ACTB: variants seen among roughly 807,000 people sequenced by gnomAD.
ACTB encodes the protein actin beta.
A neutral mutation model predicts 30.5 loss-of-function variants in ACTB; 2 were observed. The observed-to-expected ratio is 0.07, with a 90% CI of 0.03 to 0.21. The LOEUF is 0.21. Among genes scored for constraint, ACTB ranks in the 10% least tolerant of loss-of-function variants. ACTB has a pLI of 1.00. For missense variants in ACTB, 56 were observed against 530.0 expected, an observed-to-expected ratio of 0.11 and a Z score of 8.78; for synonymous variants, 335 against 217.6, an observed-to-expected ratio of 1.54 and a Z score of -4.75.
At chr7:5,529,966 G>A (rs1030815125) in intron 1 of ACTB, 4 of 244,676 alleles carry the variant, frequency 1.6e-5, no homozygotes, top group Admixed American at 6.2e-5. Context: ...GCGGCCAGCG[G>A]CTCGGGCAGG....
chr7:5,528,889 C>T, intron 3 of ACTB, 170 bp from the exon 4 acceptor site: 1 of 1,416,458 alleles, frequency 7.1e-7, no homozygotes, highest in South Asian at 1.2e-5. Flanking sequence ...TCCAAGGCCG[C>T]TTTACACCAG....
intron 1 of ACTB, among the ~76,000 whole-genome samples, chr7:5,530,148 G>T (rs1784859362): frequency 6.6e-6 from 1 of 152,030 alleles, no homozygotes; most frequent in Non-Finnish European, 1.5e-5. Context: ...CACGCAGTTA[G>T]CGCCCAAAGG....
chr7:5,528,949 C>A (rs754328222), intron 3 of ACTB: 3 of 1,533,868 alleles, frequency 2.0e-6, no homozygotes, highest in Non-Finnish European at 2.6e-6. Context: ...ACCCACAACA[C>A]TGTCTTAGAC....
chr7:5,529,118 G>C, intron 3 of ACTB, 43 bp downstream of exon 3: 2 of 1,613,646 alleles, frequency 1.2e-6, no homozygotes, highest in South Asian at 2.2e-5. Flanking sequence ...GGGAGGCCAG[G>C]AAGGAGGGAG....
At position 5,527,648 on chromosome 7, in the gene ACTB, A is replaced by G. The variant is rs13447410; in HGVS notation, c.*100T>C. 24 of 1,568,882 alleles carry G rather than the reference A, an allele frequency of 1.5e-5. No homozygotes were observed. The highest frequency in any genetic ancestry group is 2.0e-5 in the Non-Finnish European group (23 of 1,155,280). Reference sequence around the variant, plus strand: ...CAAAAAAAAAAAAAAAACCAAAACAAAACAAAAAAAACAAATAAAGCCATG... The same window carrying G: ...CAAAAAAAAAAAAAAAACCAAAACAGAACAAAAAAAACAAATAAAGCCATG... On this transcript the variant is annotated 3_prime_UTR_variant, in exon 6 of 6. Transcript: ENST00000646664.
chr7:5,528,774 G>A (rs1197861843), intron 3 of ACTB, 55 bp from the exon 4 acceptor site: 4 of 1,586,490 alleles, frequency 2.5e-6, no homozygotes, highest in Non-Finnish European at 2.6e-6. Context: ...GGACAGCCAG[G>A]CCAGACGGGG....
Position 5,527,373 on chromosome 7 carries a change from G to GA in ACTB, c.*374dup, listed in dbSNP as rs1477415007. The GA allele has an allele frequency of 3.4e-6, 1 of 295,512 alleles. No individual in the cohort carries two copies. The highest frequency in any genetic ancestry group is 8.5e-5 in the East Asian group (1 of 11,772). 18.3% of individuals were successfully genotyped at this position (295,512 alleles called of 1,614,324 possible). ...AAATTTTGCATTACATAATTTACAC[G>GA]AAAGCAATGCTATCACCTCCCCTGT... On this transcript the variant is annotated 3_prime_UTR_variant, in exon 6 of 6. Transcript: ENST00000646664.
rs1315955089 is a variant in ACTB at position 5,529,317 on chromosome 7, G to A, written c.207C>T (p.Tyr69=). The stretch of plus-strand genomic sequence containing the variant: ...TGGTGACGATGCCGTGCTCGATGGG[G>A]TACTTCAGGGTGAGGATGCCTCTCT... ...QSKRGILTLK[Y]PIEHGIVTNW... is the part of the protein sequence containing the mutation. Residue 69 remains tyrosine (Y), a synonymous_variant, in exon 3 of 6, where the codon TAC becomes TAT. Transcript: ENST00000646664. 9 of 1,613,938 alleles carry A rather than the reference G, an allele frequency of 5.6e-6. No homozygotes were observed. In the South Asian group the frequency reaches 6.6e-5, roughly 12 times the overall value.
In ACTB at chr7:5,527,229, G is replaced by A. The variant is rs1291233650; in HGVS notation, c.*519C>T. 3.0e-5 allele frequency: 7 copies of A among 234,178 alleles called. No homozygotes were observed. Among genetic ancestry groups the A allele is most frequent in the African/African-American group, 1.7e-4 (7 of 42,024 alleles). The allele number at this position is 234,178 out of a possible 1,614,324, so 14.5% of individuals were successfully genotyped here. ...CCCTGGCTGCCTCCACCCACTCCCA[G>A]GGAGACCAAAAGCCTTCATACATCT... On this transcript the variant is annotated 3_prime_UTR_variant, in exon 6 of 6. Coordinates refer to ENST00000646664, the MANE Select transcript of ACTB (RefSeq NM_001101.5).
intron 1 of ACTB, among the ~76,000 whole-genome samples, chr7:5,530,153 CA>C (rs1784859737): frequency 6.6e-6 from 1 of 152,050 alleles, no homozygotes; most frequent in Non-Finnish European, 1.5e-5. Context: ...AGTTAGCGCC[CA>C]AAGGACCAGC....
chr7:5,529,511 G>A, intron 2 of ACTB, 24 bp downstream of exon 2: 3 of 1,611,672 alleles, frequency 1.9e-6, no homozygotes, highest in Non-Finnish European at 2.5e-6. Context: ...TCCCGGGGCT[G>A]CCCCACCCAG....
chr7:5,529,185 C>T lies in ACTB; in HGVS notation c.339G>A (p.Lys113=), dbSNP rs551699029. 1 of 1,614,036 alleles carries T rather than the reference C, an allele frequency of 6.2e-7. No homozygotes were observed. Among genetic ancestry groups the T allele is most frequent in the African/African-American group, 1.3e-5 (1 of 75,044 alleles). The change falls in exon 3 of 6, where the codon AAG becomes AAA. Residue 113 remains lysine (K), a synonymous_variant. Transcript: ENST00000646664. ...CCTGGGTCATCTTCTCGCGGTTGGC[C>T]TTGGGGTTCAGGGGGGCCTCGGTCA... is the stretch of plus-strand genomic sequence containing the variant. The part of the protein sequence containing the change: ...VLLTEAPLNP[K]ANREKMTQIM...
intron 3 of ACTB, 51 bp from the exon 4 acceptor site, chr7:5,528,770 C>T: frequency 5.0e-6 from 8 of 1,591,746 alleles, no homozygotes; most frequent in Non-Finnish European, 6.0e-6. Flanking sequence ...CTGGGGACAG[C>T]CAGGCCAGAC....
intron 1 of ACTB, among the ~76,000 whole-genome samples, chr7:5,530,157 G>T (rs1010687456): frequency 2.0e-5 from 3 of 151,952 alleles, no homozygotes; most frequent in Admixed American, 2.0e-4. Context: ...AGCGCCCAAA[G>T]GACCAGCGCG....
chr7:5,530,335 C>T (rs1784866122), intron 1 of ACTB, among the ~76,000 whole-genome samples, 189 bp downstream of exon 1: 1 of 152,066 alleles, frequency 6.6e-6, no homozygotes, highest in Non-Finnish European at 1.5e-5. Flanking sequence ...CTCGCGCCTC[C>T]GAACTGGCGT....
At position 5,528,035 on chromosome 7, in the gene ACTB, G is replaced by A; in HGVS notation, c.953C>T (p.Thr318Ile). The change falls in exon 5 of 6, where the codon ACT becomes ATT. Residue 318 changes from threonine (T) to isoleucine (I), a missense_variant. By Grantham distance (89) the Thr-to-Ile change is moderately conservative (BLOSUM62 -1). This residue lies in a region of ACTB where 10 missense variants were observed against 17.6 expected (regional missense o/e 0.57). Coordinates refer to ENST00000646664, the MANE Select transcript of ACTB (RefSeq NM_001101.5). ...GIADRMQKEI[T>I]ALAPSTMKIK... ...CTTCATTGTGCTGGGTGCCAGGGCAGTGATCTCCTTCTGCATCCTGTCGGC... is the reference window on the plus strand; with the variant it reads ...CTTCATTGTGCTGGGTGCCAGGGCAATGATCTCCTTCTGCATCCTGTCGGC... 6.2e-7 allele frequency: 1 copy of A among 1,614,238 alleles called. No homozygotes were observed. Among genetic ancestry groups the A allele is most frequent in the Non-Finnish European group, 8.5e-7 (1 of 1,180,040 alleles).
chr7:5,529,771 G>C, intron 1 of ACTB, 108 bp from the exon 2 acceptor site: 1 of 1,550,112 alleles, frequency 6.5e-7, no homozygotes, highest in Non-Finnish European at 8.8e-7. Context: ...CGCCCAGATT[G>C]GGGACAAAGG....
rs11546896 is a variant in ACTB at position 5,528,157 on chromosome 7, A to G, written c.831T>C (p.Thr277=). 1.2e-6 allele frequency: 2 copies of G among 1,614,236 alleles called. No individual in the cohort carries two copies. Among genetic ancestry groups the G allele is most frequent in the Admixed American group, 3.3e-5 (2 of 60,022 alleles). Residue 277 remains threonine (T), a synonymous_variant, in exon 5 of 6, where the codon ACT becomes ACC. Coordinates refer to ENST00000646664, the MANE Select transcript of ACTB (RefSeq NM_001101.5). ...CACACTTCATGATGGAGTTGAAGGT[A>G]GTTTCGTGGATGCCACAGGACTCCA... ...LGMESCGIHE[T]TFNSIMKCDV... is the part of the protein sequence containing the mutation.
intron 1 of ACTB, 34 bp from the exon 2 acceptor site, chr7:5,529,697 G>A (rs557923431): frequency 8.7e-6 from 14 of 1,610,416 alleles, no homozygotes; most frequent in Admixed American, 3.3e-5. Context: ...GTGAGCCGAG[G>A]TCGCCCCCGC....
Sources: gnomAD v4.1 joint callset for allele counts (sites outside exome capture counted in the v4.1 genomes callset) on GRCh38, gnomAD v4.1.1 for gene constraint, gnomAD v4.1.1 regional missense constraint, MANE v1.5 for transcripts, NCBI Gene and HGNC (gene_info 2026-07-23, HGNC 2026-07-21) for gene names.